Variants in ADGRF4 observed in about 807,000 individuals in gnomAD.
ADGRF4 encodes adhesion G protein-coupled receptor F4, also known as G-protein coupled receptor PGR18.
ADGRF4 carries 63 observed loss-of-function variants against 58.5 expected under a neutral mutation model. That is an observed-to-expected ratio of 1.08 (90% confidence interval 0.88 to 1.33). The LOEUF (loss-of-function observed/expected upper bound fraction) is 1.33. Ranked by LOEUF, ADGRF4 falls within the 40% of genes most tolerant of loss-of-function variation. The pLI, the probability that ADGRF4 is intolerant of heterozygous loss-of-function variation, is 0.00. For synonymous variants in ADGRF4, 313 were observed against 295.4 expected, an observed-to-expected ratio of 1.06 and a Z score of -0.61; for missense variants, 931 against 843.9, an observed-to-expected ratio of 1.10 and a Z score of -1.28.
chr6:47,710,799 T>G lies in ADGRF4; in HGVS notation c.213T>G (p.His71Gln). Residue 71 changes from histidine (H) to glutamine (Q), a missense_variant, in exon 4 of 10, where the codon CAT (histidine) becomes CAG (glutamine). His to Gln is a conservative substitution (Grantham distance 24, BLOSUM62 0). Coordinates refer to ENST00000283303, the MANE Select transcript of ADGRF4 (RefSeq NM_153838.5). ...GCCAGCCCTGTGCTAAGGACTTTCA[T>G]GGAGAAATAGGATTTACATGTAATC... ...NCSQPCAKDF[H>Q]GEIGFTCNQK... 6.2e-7 allele frequency: 1 copy of G among 1,613,808 alleles called. No homozygotes were observed. Among genetic ancestry groups the G allele is most frequent in the Non-Finnish European group, 8.5e-7 (1 of 1,179,776 alleles).
rs1471782520 is a variant in ADGRF4 at position 47,714,455 on chromosome 6, A to G, written c.1210A>G (p.Ile404Val). ...GATGACCGACAAAGTTCTGGACTAC[A>G]TCACCTGCATTGGGCTCAGCGTCTC... is the stretch of plus-strand genomic sequence containing the variant. ...KSMTDKVLDY[I>V]TCIGLSVSIL... Residue 404 changes from isoleucine to valine, a missense_variant, in exon 6 of 10, where the codon ATC (isoleucine) becomes GTC (valine). Coordinates refer to ENST00000283303, the MANE Select transcript of ADGRF4 (RefSeq NM_153838.5). 2.5e-6 allele frequency: 4 copies of G among 1,614,142 alleles called. No homozygotes were observed. The highest frequency in any genetic ancestry group is 1.1e-5 in the South Asian group (1 of 91,080).
At chr6:47,699,943 CCA>C in intron 1 of ADGRF4, among the ~76,000 whole-genome samples, 1 of 149,364 alleles carries the variant, frequency 6.7e-6, no homozygotes, top group Non-Finnish European at 1.5e-5. Context: ...ACCCCCCCCC[CCA>C]AAATGTGGGT....
intron 3 of ADGRF4, among the ~76,000 whole-genome samples, chr6:47,709,282 A>T (rs961300898): frequency 2.6e-5 from 4 of 152,218 alleles, no homozygotes; most frequent in Non-Finnish European, 5.9e-5. Context: ...TTCCTATCTG[A>T]AGTGCATGCA....
At chr6:47,717,552 A>C (rs937866492) in intron 8 of ADGRF4, among the ~76,000 whole-genome samples, 5 of 152,240 alleles carry the variant, frequency 3.3e-5, no homozygotes, top group Non-Finnish European at 7.3e-5. Context: ...CTTCAAGGGA[A>C]TGTTTCACAT....
Position 47,721,956 on chromosome 6 carries a change from T to G in ADGRF4, c.*751T>G, listed in dbSNP as rs1772174710. 1 of 152,192 alleles carries G rather than the reference T, an allele frequency of 6.6e-6. No homozygotes were observed. Among genetic ancestry groups the G allele is most frequent in the Non-Finnish European group, 1.5e-5 (1 of 68,032 alleles). The allele number at this position is 152,192 out of a possible 1,614,324, so 9.4% of individuals were successfully genotyped here. A position where few individuals can be genotyped will look rare whatever the true frequency, so the allele number is the denominator to read the frequency against. On this transcript the variant is annotated 3_prime_UTR_variant, in exon 10 of 10. Coordinates refer to ENST00000283303, the MANE Select transcript of ADGRF4 (RefSeq NM_153838.5). ...GTGTATATGTGTCTTTTAAAAATAC[T>G]ATATATAAAGAAGATTCTGGTTGTT...
chr6:47,713,062 C>T (rs890371003), intron 5 of ADGRF4, among the ~76,000 whole-genome samples: 5 of 152,116 alleles, frequency 3.3e-5, no homozygotes, highest in Non-Finnish European at 5.9e-5. Flanking sequence ...CGTAGAAGCA[C>T]GGACCTTATT....
At chr6:47,712,696 C>A in intron 5 of ADGRF4, 88 bp downstream of exon 5, 1 of 918,162 alleles carries the variant, frequency 1.1e-6, no homozygotes. Context: ...GCAAAAACTA[C>A]AGTGACAGCA....
intron 4 of ADGRF4, among the ~76,000 whole-genome samples, chr6:47,711,415 A>T (rs1561867220): frequency 6.6e-6 from 1 of 152,188 alleles, no homozygotes; most frequent in Non-Finnish European, 1.5e-5. Flanking sequence ...GGCACGTGCC[A>T]CCACACCCAG....
At chr6:47,710,636 C>T in intron 3 of ADGRF4, 99 bp from the exon 4 acceptor site, 1 of 1,275,920 alleles carries the variant, frequency 7.8e-7, no homozygotes, top group Non-Finnish European at 1.1e-6. Flanking sequence ...CTCCAGGAAG[C>T]AATCCAAAAA....
At chr6:47,709,877 G>A (rs977128518) in intron 3 of ADGRF4, among the ~76,000 whole-genome samples, 5 of 131,470 alleles carry the variant, frequency 3.8e-5, no homozygotes, top group Admixed American at 1.5e-4. Flanking sequence ...TGTGCTTTTT[G>A]TTGGTGATTT....
intron 1 of ADGRF4, among the ~76,000 whole-genome samples, chr6:47,706,314 CAG>C (rs1771708569): frequency 1.3e-5 from 2 of 152,116 alleles, no homozygotes; most frequent in African/African-American, 4.8e-5. Flanking sequence ...AGGCAAGAAA[CAG>C]AGATATGGCA....
At chr6:47,705,747 C>T (rs1426199666) in intron 1 of ADGRF4, among the ~76,000 whole-genome samples, 1 of 152,136 alleles carries the variant, frequency 6.6e-6, no homozygotes, top group African/African-American at 2.4e-5. Context: ...TCACTGATTG[C>T]CTTATGAACC....
Position 47,714,394 on chromosome 6 carries a change from G to T in ADGRF4, c.1149G>T (p.Val383=), listed in dbSNP as rs374101643. The change falls in exon 6 of 10, where the codon GTG becomes GTT. Residue 383 remains valine (V), a synonymous_variant. Coordinates refer to ENST00000283303, the MANE Select transcript of ADGRF4 (RefSeq NM_153838.5). The stretch of plus-strand genomic sequence containing the variant: ...AATGCCGCTGTAACTACACCAGTGT[G>T]GTGATGTCTTTTTCCATTCTCATGT... ...EVKCRCNYTS[V]VMSFSILMSS... is the part of the protein sequence containing the mutation. The T allele has an allele frequency of 6.2e-6, 10 of 1,613,980 alleles. No individual in the cohort carries two copies. In the African/African-American group the frequency reaches 1.1e-4, roughly 17 times the overall value.
chr6:47,720,749 G>C (rs568211589), intron 9 of ADGRF4, among the ~76,000 whole-genome samples: 1 of 152,294 alleles, frequency 6.6e-6, no homozygotes, highest in South Asian at 2.1e-4. Context: ...GGTTCCTCCA[G>C]TGTCTTGCAT....
intron 1 of ADGRF4, among the ~76,000 whole-genome samples, chr6:47,704,400 A>G (rs1771658643): frequency 6.6e-6 from 1 of 152,146 alleles, no homozygotes; most frequent in Non-Finnish European, 1.5e-5. Flanking sequence ...ATTTCTGACT[A>G]TGATCTGAAA....
chr6:47,705,393 C>G (rs1057162245), intron 1 of ADGRF4, among the ~76,000 whole-genome samples: 12 of 152,284 alleles, frequency 7.9e-5, no homozygotes, highest in African/African-American at 2.9e-4. Context: ...CAATTTACGG[C>G]CTACATGGAG....
At position 47,713,812 on chromosome 6, in the gene ADGRF4, G is replaced by C. The variant is rs745402002; in HGVS notation, c.567G>C (p.Val189=). ...TREKMKSYSE[V]ANHILDTAAI... is the part of the protein sequence containing the mutation. ...CTCCATTGCAGAGCTATAGTGAAGT[G>C]GCCAACCACATCCTCGACACAGCAG... is the stretch of plus-strand genomic sequence containing the variant. The change falls in exon 6 of 10, where the codon GTG becomes GTC. Residue 189 remains valine (V), a synonymous_variant. Transcript: ENST00000283303. 2.6e-6 allele frequency: 4 copies of C among 1,553,214 alleles called. No homozygotes were observed. In the East Asian group the frequency reaches 9.0e-5, roughly 35 times the overall value.
intron 4 of ADGRF4, 33 bp downstream of exon 4, chr6:47,710,919 C>A: frequency 1.3e-6 from 2 of 1,592,776 alleles, no homozygotes; most frequent in Non-Finnish European, 1.7e-6. Context: ...GTGACAGAAG[C>A]CAATCCCCCA....
chr6:47,708,079 C>A, intron 2 of ADGRF4, 145 bp from the exon 3 acceptor site: 1 of 620,384 alleles, frequency 1.6e-6, no homozygotes, highest in Non-Finnish European at 2.9e-6. Context: ...CAGCAAGTTA[C>A]CGCAATACCA....
Sources: allele counts gnomAD v4.1 joint callset (sites outside exome capture counted in the v4.1 genomes callset), GRCh38; gene constraint gnomAD v4.1.1; transcripts MANE v1.5; gene names NCBI Gene and HGNC (gene_info 2026-07-23, HGNC 2026-07-21).